Variants in STPG2 observed in about 807,000 individuals in gnomAD.
STPG2 encodes sperm-tail PG-rich repeat-containing protein 2.
Under a neutral mutation model 54.2 loss-of-function variants are expected in STPG2, and 56 were observed. The observed-to-expected ratio is 1.03, with a 90% CI of 0.83 to 1.29. The LOEUF (loss-of-function observed/expected upper bound fraction) is 1.29. Ranked by LOEUF, STPG2 falls within the 50% of genes most tolerant of loss-of-function variation. The pLI is 0.00. For missense variants in STPG2, 596 were observed against 544.9 expected (o/e 1.09, Z -0.93); for synonymous variants, 200 against 181.8 (o/e 1.10, Z -0.81).
intron 9 of STPG2, among the ~76,000 whole-genome samples, chr4:97,803,029 G>T (rs183946074): frequency 1.5e-4 from 23 of 152,110 alleles, no homozygotes; most frequent in African/African-American, 5.5e-4. Context: ...AAAATATAAT[G>T]CTCTTGTTTT....
intron 8 of STPG2, among the ~76,000 whole-genome samples, chr4:97,931,765 T>C (rs1466054968): frequency 6.6e-6 from 1 of 152,160 alleles, no homozygotes; most frequent in Non-Finnish European, 1.5e-5. Flanking sequence ...TAGACTGAGT[T>C]AGGAAGTAGT....
At chr4:98,111,873 TCTC>T (rs1484644446) in intron 3 of STPG2, among the ~76,000 whole-genome samples, 2 of 152,068 alleles carry the variant, frequency 1.3e-5, no homozygotes, top group Admixed American at 1.3e-4. Context: ...ATGCCCATCT[TCTC>T]CTACCTTCGG....
intron 5 of STPG2, among the ~76,000 whole-genome samples, chr4:98,037,782 T>G (rs928928226): frequency 1.3e-5 from 2 of 152,070 alleles, no homozygotes; most frequent in South Asian, 4.1e-4. Flanking sequence ...TAAATCAACA[T>G]TGTTCCTACA....
At chr4:97,777,199 T>G (rs977997969) in intron 9 of STPG2, among the ~76,000 whole-genome samples, 3 of 152,198 alleles carry the variant, frequency 2.0e-5, no homozygotes, top group Non-Finnish European at 2.9e-5. Context: ...GATGTTCCTA[T>G]TTAGTTAAAG....
At chr4:97,904,641 A>G (rs1339115030) in intron 8 of STPG2, among the ~76,000 whole-genome samples, 1 of 152,248 alleles carries the variant, frequency 6.6e-6, no homozygotes, top group Non-Finnish European at 1.5e-5. Flanking sequence ...AGAAGGATTC[A>G]GATAATCAAA....
At chr4:97,443,270 A>C (rs1729135566) in intron 4 of STPG2, among the ~76,000 whole-genome samples, 1 of 152,172 alleles carries the variant, frequency 6.6e-6, no homozygotes, top group Non-Finnish European at 1.5e-5. Context: ...ACCTAAGCTG[A>C]GACTTTGGCC....
At chr4:97,825,692 A>G (rs1432958879) in intron 9 of STPG2, among the ~76,000 whole-genome samples, 1 of 152,100 alleles carries the variant, frequency 6.6e-6, no homozygotes, top group Non-Finnish European at 1.5e-5. Context: ...ACAACTACTG[A>G]ATCTTTTGTC....
intron 7 of STPG2, among the ~76,000 whole-genome samples, chr4:97,951,736 C>CCATGAT (rs1185045959): frequency 2.6e-5 from 4 of 152,058 alleles, no homozygotes; most frequent in African/African-American, 9.7e-5. Flanking sequence ...CTTCATTCCC[C>CCATGAT]CATGATGTGT....
intron 4 of STPG2, among the ~76,000 whole-genome samples, chr4:97,450,518 G>A (rs894601061): frequency 2.0e-5 from 3 of 152,152 alleles, no homozygotes; most frequent in Non-Finnish European, 4.4e-5. Context: ...GTTCATTAAG[G>A]ATGTGACAAT....
At chr4:97,889,706 G>T (rs1168510483) in intron 8 of STPG2, among the ~76,000 whole-genome samples, 1 of 152,002 alleles carries the variant, frequency 6.6e-6, no homozygotes, top group South Asian at 2.1e-4. Flanking sequence ...GGGACGTGCT[G>T]GTCAAATGCT....
At chr4:97,961,093 GA>G (rs199899968) in intron 7 of STPG2, among the ~76,000 whole-genome samples, 44 of 145,322 alleles carry the variant, frequency 3.0e-4, no homozygotes, top group East Asian at 8.1e-4. Flanking sequence ...ACATAAAATG[GA>G]AAAAAAAAAA....
rs993024135 is a variant in STPG2, at chr4:97,905,250, C to T, written c.1044+38647G>A. Among the ~76,000 whole-genome samples the T allele has an allele frequency of 2.7e-3, 409 of 152,140 alleles. 2 individuals carry two copies. Among genetic ancestry groups the T allele is most frequent in the African/African-American group, 9.1e-3 (376 of 41,496 alleles). ...AAAGGGAAGCCCATCAGACTAACAG[C>T]GGATGTCTCGGCAGAAACTCTACAA... is the stretch of plus-strand genomic sequence containing the variant. On this transcript the variant is annotated intron_variant, in intron 8 of 10. Coordinates refer to ENST00000295268, the MANE Select transcript of STPG2 (RefSeq NM_174952.3).
chr4:98,107,929 A>T (rs963553010), intron 4 of STPG2, among the ~76,000 whole-genome samples: 3 of 152,104 alleles, frequency 2.0e-5, no homozygotes, highest in African/African-American at 7.2e-5. Flanking sequence ...AATAATAATA[A>T]TATTAAGTAA....
At chr4:98,034,257 C>T (rs563368216) in intron 5 of STPG2, among the ~76,000 whole-genome samples, 1 of 152,282 alleles carries the variant, frequency 6.6e-6, no homozygotes, top group Admixed American at 6.5e-5. Context: ...AGCAAAGTCT[C>T]AGGATACAAA....
At chr4:97,728,567 T>A (rs1217152487) in intron 9 of STPG2, among the ~76,000 whole-genome samples, 3 of 151,980 alleles carry the variant, frequency 2.0e-5, no homozygotes, top group Non-Finnish European at 2.9e-5. Flanking sequence ...TTTCTGATCA[T>A]CACAAACAGA....
intron 10 of STPG2, among the ~76,000 whole-genome samples, chr4:97,709,250 G>A (rs796363083): frequency 8.3e-4 from 126 of 151,656 alleles, no homozygotes; most frequent in African/African-American, 2.9e-3. Flanking sequence ...TAACAAAAAG[G>A]TGTTAATCTA....
intron 9 of STPG2, among the ~76,000 whole-genome samples, chr4:97,727,447 G>A (rs561032387): frequency 7.2e-5 from 11 of 151,914 alleles, no homozygotes; most frequent in African/African-American, 1.9e-4. Flanking sequence ...AGATGACAAC[G>A]TTTATTTTAT....
intron 5 of STPG2, among the ~76,000 whole-genome samples, chr4:97,993,180 T>C (rs1735075722): frequency 6.6e-6 from 1 of 152,194 alleles, no homozygotes; most frequent in African/African-American, 2.4e-5. Context: ...GGAAGAATGC[T>C]TTCAACTTTT....
At chr4:97,781,000 C>A (rs1222996018) in intron 9 of STPG2, among the ~76,000 whole-genome samples, 2 of 151,670 alleles carry the variant, frequency 1.3e-5, no homozygotes, top group African/African-American at 4.9e-5. Context: ...AAATTGACAC[C>A]CTAACATCAA....
Sources: gnomAD v4.1 joint callset for allele counts (sites outside exome capture counted in the v4.1 genomes callset) on GRCh38, gnomAD v4.1.1 for gene constraint, MANE v1.5 for transcripts, NCBI Gene and HGNC (gene_info 2026-07-23, HGNC 2026-07-21) for gene names.